PDE4D: variants seen among roughly 807,000 people sequenced by gnomAD.
The protein encoded by PDE4D is 3',5'-cyclic-AMP phosphodiesterase 4D.
PDE4D carries 24 observed loss-of-function variants against 87.4 expected under a neutral mutation model. The observed-to-expected ratio is 0.27, with a 90% CI of 0.20 to 0.39. The LOEUF (loss-of-function observed/expected upper bound fraction) is 0.39, where lower values mean the gene tolerates loss of function less well. Among genes scored for constraint, PDE4D ranks in the 10% least tolerant of loss-of-function variants. PDE4D has a pLI of 1.00. For missense variants in PDE4D, 714 were observed against 1,041.0 expected (o/e 0.69, Z 4.32); for synonymous variants, 384 against 383.2 (o/e 1.00, Z -0.02).
intron 1 of PDE4D, among the ~76,000 whole-genome samples, chr5:59,271,797 G>A (rs1036373287): frequency 2.0e-5 from 3 of 151,702 alleles, no homozygotes; most frequent in African/African-American, 7.3e-5. Flanking sequence ...ACATATAGTA[G>A]GTATATTTTT....
At chr5:59,373,612 A>G (rs1478535407) in intron 1 of PDE4D, among the ~76,000 whole-genome samples, 1 of 152,230 alleles carries the variant, frequency 6.6e-6, no homozygotes, top group Admixed American at 6.5e-5. Context: ...AACATATTTC[A>G]GAGTGTTATC....
At chr5:59,342,988 G>A (rs1239630182) in intron 1 of PDE4D, among the ~76,000 whole-genome samples, 1 of 89,386 alleles carries the variant, frequency 1.1e-5, no homozygotes, top group South Asian at 4.4e-4. Flanking sequence ...TTTTGGTTTT[G>A]TTATTATTTA....
At chr5:60,345,662 GCAA>G (rs1758694972) in intron 1 of PDE4D, among the ~76,000 whole-genome samples, 4 of 151,358 alleles carry the variant, frequency 2.6e-5, no homozygotes, top group Non-Finnish European at 4.4e-5. Context: ...TAAAACTATA[GCAA>G]ATGAACCTGC....
chr5:59,580,466 ATTC>A (rs1315162327), intron 1 of PDE4D, among the ~76,000 whole-genome samples: 1 of 152,106 alleles, frequency 6.6e-6, no homozygotes, highest in African/African-American at 2.4e-5. Flanking sequence ...ATTCTAATAA[ATTC>A]TTCTTTTATT....
chr5:59,663,084 AG>A (rs1370527764), intron 1 of PDE4D, among the ~76,000 whole-genome samples: 1 of 152,240 alleles, frequency 6.6e-6, no homozygotes, highest in Non-Finnish European at 1.5e-5. Context: ...CTAGAACAAA[AG>A]TTAATTATTT....
In PDE4D at chr5:59,589,455, C is replaced by G. The variant is rs2153702820; in HGVS notation, c.455+303713G>C. 1.3e-5 allele frequency among the ~76,000 whole-genome samples: 2 copies of G among 152,178 alleles called. 1 individual carries two copies. Among genetic ancestry groups the G allele is most frequent in the South Asian group, 4.2e-4 (2 of 4,810 alleles). ...TTGACTCTGGTTAGTGATCTTTGAT[C>G]ATGATGATGATAATGATGGGTTTTA... On this transcript the variant is annotated intron_variant, in intron 1 of 14. Coordinates refer to ENST00000340635, the MANE Select transcript of PDE4D (RefSeq NM_001104631.2).
At chr5:59,620,550 G>A (rs1830230826) in intron 1 of PDE4D, among the ~76,000 whole-genome samples, 1 of 152,108 alleles carries the variant, frequency 6.6e-6, no homozygotes, top group East Asian at 1.9e-4. Flanking sequence ...AATTGCCAAG[G>A]TAAAACTGAA....
intron 3 of PDE4D, among the ~76,000 whole-genome samples, chr5:59,189,574 C>T (rs2153483830): frequency 6.6e-6 from 1 of 152,108 alleles, no homozygotes; most frequent in Admixed American, 6.6e-5. Flanking sequence ...TCACTGAGCC[C>T]GGAGGCAGCT....
chr5:59,679,660 G>A (rs1460545342), intron 1 of PDE4D, among the ~76,000 whole-genome samples: 1 of 152,114 alleles, frequency 6.6e-6, no homozygotes, highest in African/African-American at 2.4e-5. Flanking sequence ...ATTCTACTAT[G>A]TGTACTAAGC....
intron 1 of PDE4D, among the ~76,000 whole-genome samples, chr5:59,448,787 C>G (rs1798718571): frequency 6.6e-6 from 1 of 152,102 alleles, no homozygotes; most frequent in African/African-American, 2.4e-5. Context: ...TGTATGCCAC[C>G]ATGCCCAGCT....
At chr5:59,897,093 T>A (rs1297571447), upstream of PDE4D, among the ~76,000 whole-genome samples, 1 of 152,218 alleles carries the variant, frequency 6.6e-6, no homozygotes, top group South Asian at 2.1e-4. Context: ...TACTTACCAT[T>A]AGCACATCTA....
At chr5:59,799,670 T>G (rs1345548428) in intron 1 of PDE4D, among the ~76,000 whole-genome samples, 2 of 152,206 alleles carry the variant, frequency 1.3e-5, no homozygotes, top group Non-Finnish European at 2.9e-5. Context: ...AATTTTGTTT[T>G]GCTTTGTCTT....
chr5:59,897,955 T>G (rs756780969), upstream of PDE4D, among the ~76,000 whole-genome samples: 1 of 152,198 alleles, frequency 6.6e-6, no homozygotes, highest in Non-Finnish European at 1.5e-5. Flanking sequence ...CTTTTAAATT[T>G]GTAAAAACCT....
intron 2 of PDE4D, among the ~76,000 whole-genome samples, chr5:59,202,262 G>A (rs1000399791): frequency 1.3e-5 from 2 of 151,866 alleles, no homozygotes; most frequent in Non-Finnish European, 2.9e-5. Flanking sequence ...GGATGGTCTC[G>A]ATCTCCTGAC....
At chr5:60,377,960 C>G (rs1388795033) in intron 1 of PDE4D, among the ~76,000 whole-genome samples, 1 of 152,204 alleles carries the variant, frequency 6.6e-6, no homozygotes, top group Middle Eastern at 3.2e-3. Context: ...ATTAATGTCT[C>G]TTTCTGACCT....
At chr5:60,466,161 C>T (rs1410619002) in intron 1 of PDE4D, among the ~76,000 whole-genome samples, 1 of 152,114 alleles carries the variant, frequency 6.6e-6, no homozygotes, top group Admixed American at 6.5e-5. Flanking sequence ...AATGCATCTA[C>T]TAGGTTGAAT....
intron 2 of PDE4D, among the ~76,000 whole-genome samples, chr5:60,049,967 C>G (rs938398019): frequency 2.6e-5 from 4 of 152,108 alleles, no homozygotes; most frequent in African/African-American, 4.8e-5. Flanking sequence ...CCCCCAGCCT[C>G]GCTGCCACCT....
chr5:60,432,604 A>C (rs550915843), intron 1 of PDE4D, among the ~76,000 whole-genome samples: 3 of 152,394 alleles, frequency 2.0e-5, no homozygotes, highest in Admixed American at 2.0e-4. Flanking sequence ...CAACCCAAAA[A>C]GAGCCCAAAT....
chr5:59,260,959 G>C (rs150406686), intron 1 of PDE4D, among the ~76,000 whole-genome samples: 79 of 150,092 alleles, frequency 5.3e-4, no homozygotes, highest in Middle Eastern at 6.8e-3. Flanking sequence ...AAAAGCAGAG[G>C]ATAGTAAATG....
Sources: allele counts gnomAD v4.1 joint callset (sites outside exome capture counted in the v4.1 genomes callset), GRCh38; gene constraint gnomAD v4.1.1; transcripts MANE v1.5; gene names NCBI Gene and HGNC (gene_info 2026-07-23, HGNC 2026-07-21).